The following PDE7B variants were observed in gnomAD, a reference collection of about 807,000 sequenced individuals.
PDE7B encodes the protein phosphodiesterase 7B.
In PDE7B, 29 loss-of-function variants were observed where a neutral mutation model predicts 56.2. The observed-to-expected ratio is 0.52, with a 90% CI of 0.38 to 0.70. PDE7B has a LOEUF of 0.70. PDE7B is among the 30% of genes least tolerant of loss of function. The pLI, the probability that PDE7B is intolerant of heterozygous loss-of-function variation, is 0.00. For missense variants in PDE7B, 490 were observed against 565.0 expected (o/e 0.87, Z 1.35); for synonymous variants, 197 against 196.9 (o/e 1.00, Z 0.00).
chr6:136,063,510 T>C (rs927471194), intron 2 of PDE7B, among the ~76,000 whole-genome samples: 1 of 152,244 alleles, frequency 6.6e-6, no homozygotes, highest in African/African-American at 2.4e-5. Context: ...AGTAGTCCCC[T>C]ACCTGTGTTC....
chr6:136,001,943 C>T (rs1562465435), intron 2 of PDE7B, among the ~76,000 whole-genome samples: 1 of 151,966 alleles, frequency 6.6e-6, no homozygotes, highest in South Asian at 2.1e-4. Flanking sequence ...TTAAGGGCAG[C>T]CAGAGAGAAA....
chr6:135,957,867 T>C (rs1774825982), intron 2 of PDE7B, among the ~76,000 whole-genome samples: 1 of 152,056 alleles, frequency 6.6e-6, no homozygotes, highest in South Asian at 2.1e-4. Flanking sequence ...AGACCAAAGG[T>C]GCTAAGCCAT....
intron 2 of PDE7B, among the ~76,000 whole-genome samples, chr6:136,083,808 CCT>C (rs372794822): frequency 5.9e-5 from 9 of 151,592 alleles, no homozygotes; most frequent in Non-Finnish European, 1.2e-4. Context: ...TCCTTCTTCC[CCT>C]CTCTCTCTCT....
At chr6:136,175,528 CTAGTT>C (rs1430266147) in intron 9 of PDE7B, among the ~76,000 whole-genome samples, 2 of 151,992 alleles carry the variant, frequency 1.3e-5, no homozygotes, top group African/African-American at 4.8e-5. Context: ...GTTAACCTGG[CTAGTT>C]TATTTTCTTT....
intron 5 of PDE7B, 112 bp downstream of exon 5, chr6:136,149,262 A>G: frequency 6.8e-6 from 5 of 739,252 alleles, no homozygotes; most frequent in South Asian, 1.6e-5. Context: ...TTCTTTCCCC[A>G]TTTTCATAAA....
At chr6:135,979,753 C>A (rs1446422444) in intron 2 of PDE7B, among the ~76,000 whole-genome samples, 1 of 152,074 alleles carries the variant, frequency 6.6e-6, no homozygotes, top group African/African-American at 2.4e-5. Context: ...TGAAGGACCT[C>A]TTCAAGGAGA....
Position 136,192,067 on chromosome 6 carries a change from A to G in PDE7B, c.*227A>G. On this transcript the variant is annotated 3_prime_UTR_variant, in exon 13 of 13. Coordinates refer to ENST00000308191, the MANE Select transcript of PDE7B (RefSeq NM_018945.4). Reference sequence around the variant, plus strand: ...GCCGAAATGAGCAACTCCATTCAGTAACGTGGGAGCTGATCCCACGGGCAG... The same window carrying G: ...GCCGAAATGAGCAACTCCATTCAGTGACGTGGGAGCTGATCCCACGGGCAG... 1 of 557,092 alleles carries G rather than the reference A, an allele frequency of 1.8e-6. No individual in the cohort carries two copies. The highest frequency in any genetic ancestry group is 2.0e-5 in the South Asian group (1 of 49,306). 34.5% of individuals were successfully genotyped at this position (557,092 alleles called of 1,614,324 possible).
chr6:136,018,835 T>C (rs1776022336), intron 2 of PDE7B, among the ~76,000 whole-genome samples: 1 of 152,098 alleles, frequency 6.6e-6, no homozygotes, highest in Non-Finnish European at 1.5e-5. Context: ...GCCAAATCCT[T>C]ATTTCAAGAA....
Position 136,126,158 on chromosome 6 carries a change from G to A in PDE7B, c.166+17344G>A, listed in dbSNP as rs548948620. ...TGAATGTGACAGTCCAGTGCAGATC[G>A]ATACAGGTGTATTATGTTGGAAATG... is the stretch of plus-strand genomic sequence containing the variant. On this transcript the variant is annotated intron_variant, in intron 3 of 12. Transcript: ENST00000308191. Among the ~76,000 whole-genome samples the A allele has an allele frequency of 5.0e-4, 76 of 152,142 alleles. 1 individual carries two copies. The highest frequency in any genetic ancestry group is 1.0e-3 in the Non-Finnish European group (69 of 68,018).
At chr6:136,085,133 A>G (rs1777270634) in intron 2 of PDE7B, among the ~76,000 whole-genome samples, 1 of 152,118 alleles carries the variant, frequency 6.6e-6, no homozygotes, top group Middle Eastern at 3.2e-3. Flanking sequence ...ACTTTTCCAA[A>G]ATGTGCTATT....
chr6:136,104,042 G>A lies in PDE7B; in HGVS notation c.83-4689G>A, dbSNP rs541705820. ...GCCAAGTAAGCAAGAGGTCCATTCCGGAGCCCTGTCCTCAGGGAGGGTGAG... is the reference window on the plus strand; with the variant it reads ...GCCAAGTAAGCAAGAGGTCCATTCCAGAGCCCTGTCCTCAGGGAGGGTGAG... On this transcript the variant is annotated intron_variant, in intron 2 of 12. Transcript: ENST00000308191. 1.5e-4 allele frequency among the ~76,000 whole-genome samples: 23 copies of A among 152,276 alleles called. No homozygotes were observed. The South Asian group carries it at 3.3e-3, about 22-fold the overall frequency.
rs931365092 is a variant in PDE7B, at chr6:136,155,752, A to C, written c.705A>C (p.Leu235=). 1 of 1,614,002 alleles carries C rather than the reference A, an allele frequency of 6.2e-7. No individual in the cohort carries two copies. Among genetic ancestry groups the C allele is most frequent in the Non-Finnish European group, 8.5e-7 (1 of 1,179,946 alleles). ...LIKTNHHLAN[L]YQNMSVLENH... ...AAACTAACCACCATCTTGCAAACCT[A>C]TATCAGGTAAGGGAGCCCAACCTGG... Residue 235 remains leucine (L), a synonymous_variant, in exon 8 of 13, where the codon CTA becomes CTC. Transcript: ENST00000308191.
At chr6:136,032,092 C>G (rs1264999849) in intron 2 of PDE7B, among the ~76,000 whole-genome samples, 1 of 152,118 alleles carries the variant, frequency 6.6e-6, no homozygotes, top group East Asian at 1.9e-4. Flanking sequence ...AGCACACTTA[C>G]AAATTAAACA....
intron 2 of PDE7B, among the ~76,000 whole-genome samples, chr6:136,084,280 C>A (rs1281767401): frequency 6.6e-6 from 1 of 152,148 alleles, no homozygotes; most frequent in Non-Finnish European, 1.5e-5. Flanking sequence ...CACAGGATGG[C>A]CAAATTTATG....
At chr6:135,919,961 C>T (rs1332806608) in intron 1 of PDE7B, among the ~76,000 whole-genome samples, 6 of 152,000 alleles carry the variant, frequency 3.9e-5, no homozygotes, top group Admixed American at 3.9e-4. Flanking sequence ...CACAAGAAAT[C>T]TTTAAAGTAA....
intron 1 of PDE7B, among the ~76,000 whole-genome samples, chr6:135,940,060 A>G (rs982047150): frequency 8.5e-5 from 13 of 152,078 alleles, no homozygotes; most frequent in African/African-American, 3.1e-4. Context: ...TTAAATCACT[A>G]TTGACCCCAA....
chr6:136,030,824 A>G (rs1776235388), intron 2 of PDE7B, among the ~76,000 whole-genome samples: 1 of 152,266 alleles, frequency 6.6e-6, no homozygotes, highest in South Asian at 2.1e-4. Context: ...AGAAGGAGTC[A>G]TGGAGAAACT....
intron 1 of PDE7B, among the ~76,000 whole-genome samples, chr6:135,942,699 T>A (rs1774526302): frequency 6.6e-6 from 1 of 152,170 alleles, no homozygotes; most frequent in Non-Finnish European, 1.5e-5. Flanking sequence ...CCTCTGCTTC[T>A]ACAAATTCAA....
At chr6:136,154,350 G>A (rs376948713) in intron 7 of PDE7B, among the ~76,000 whole-genome samples, 175 bp downstream of exon 7, 3 of 148,432 alleles carry the variant, frequency 2.0e-5, no homozygotes, top group Admixed American at 1.4e-4. Flanking sequence ...CAATGTTCAC[G>A]AAAAAGGATG....
Sources: allele counts gnomAD v4.1 joint callset (sites outside exome capture counted in the v4.1 genomes callset), GRCh38; gene constraint gnomAD v4.1.1; transcripts MANE v1.5; gene names NCBI Gene and HGNC (gene_info 2026-07-23, HGNC 2026-07-21).